Variants in PRKCH observed in about 807,000 individuals in gnomAD.
PRKCH encodes protein kinase C eta.
In PRKCH, 28 loss-of-function variants were observed where a neutral mutation model predicts 82.5. The observed-to-expected ratio is 0.34, with a 90% CI of 0.25 to 0.47. PRKCH has a LOEUF of 0.47. PRKCH is among the 20% of genes least tolerant of loss of function. PRKCH has a pLI of 1.00. For synonymous variants in PRKCH, 322 were observed against 327.4 expected, an observed-to-expected ratio of 0.98 and a Z score of 0.18; for missense variants, 705 against 881.8, an observed-to-expected ratio of 0.80 and a Z score of 2.54.
intron 9 of PRKCH, among the ~76,000 whole-genome samples, chr14:61,473,138 C>T (rs892722552): frequency 6.6e-6 from 1 of 152,042 alleles, no homozygotes; most frequent in African/African-American, 2.4e-5. Flanking sequence ...AGTGCAAAGG[C>T]ACAGAGGCTT....
Position 61,526,125 on chromosome 14 carries a change from A to G in PRKCH, c.1434-2950A>G, listed in dbSNP as rs557073668. On this transcript the variant is annotated intron_variant, in intron 10 of 13. Transcript: ENST00000332981. ...CCCGTCCTGCGCTGCTACGATTGCA[A>G]CCTTTTGTAGGTTAAACTGGCTGTG... is the stretch of plus-strand genomic sequence containing the variant. Among the ~76,000 whole-genome samples the G allele has an allele frequency of 2.0e-5, 3 of 152,276 alleles. No homozygotes were observed. The South Asian group carries it at 6.2e-4, about 32-fold the overall frequency.
At chr14:61,234,123 C>T (rs1349977402) in intron 1 of PRKCH, among the ~76,000 whole-genome samples, 1 of 152,150 alleles carries the variant, frequency 6.6e-6, no homozygotes, top group Non-Finnish European at 1.5e-5. Context: ...CTCTTTTTAC[C>T]ACTAGGCAAT....
chr14:61,258,708 C>A (rs2045020120), intron 1 of PRKCH, among the ~76,000 whole-genome samples: 3 of 152,164 alleles, frequency 2.0e-5, no homozygotes, highest in Admixed American at 2.0e-4. Context: ...GTCTATTGGA[C>A]AAATATTATT....
chr14:61,302,535 T>C (rs1455384388), intron 1 of PRKCH, among the ~76,000 whole-genome samples: 4 of 152,214 alleles, frequency 2.6e-5, no homozygotes, highest in Admixed American at 6.5e-5. Context: ...GGGGGTAGGT[T>C]TGCATAGACC....
At chr14:61,503,542 C>T (rs1484185252) in intron 10 of PRKCH, among the ~76,000 whole-genome samples, 1 of 152,146 alleles carries the variant, frequency 6.6e-6, no homozygotes, top group Non-Finnish European at 1.5e-5. Context: ...TTCTCAACAG[C>T]TTATTCCTTG....
chr14:61,219,126 C>T (rs186887931), intron 1 of PRKCH, among the ~76,000 whole-genome samples: 1 of 152,348 alleles, frequency 6.6e-6, no homozygotes, highest in African/African-American at 2.4e-5. Context: ...GGCTCTGAAG[C>T]TGAGAATGAA....
chr14:61,319,571 TA>T (rs1010135467), upstream of PRKCH, among the ~76,000 whole-genome samples: 10 of 151,980 alleles, frequency 6.6e-5, no homozygotes, highest in South Asian at 2.1e-4. Context: ...TTTTAAAATT[TA>T]AAAAAAAATT....
chr14:61,315,802 C>T (rs1292503351), intron 1 of PRKCH, among the ~76,000 whole-genome samples: 1 of 146,232 alleles, frequency 6.8e-6, no homozygotes, highest in African/African-American at 2.5e-5. Context: ...GGCTGGAGTG[C>T]AATGGCGTGA....
chr14:61,340,834 G>A (rs1030263854), intron 1 of PRKCH, among the ~76,000 whole-genome samples: 27 of 152,240 alleles, frequency 1.8e-4, no homozygotes, highest in African/African-American at 6.5e-4. Flanking sequence ...TGGTCTTGCC[G>A]TTGTTCAGTC....
intron 10 of PRKCH, among the ~76,000 whole-genome samples, chr14:61,519,028 A>G (rs2139989244): frequency 6.6e-6 from 1 of 152,244 alleles, no homozygotes; most frequent in East Asian, 1.9e-4. Context: ...CACACCTGCA[A>G]TCCCAGCTCT....
intron 2 of PRKCH, among the ~76,000 whole-genome samples, chr14:61,419,320 C>T (rs1318192552): frequency 6.6e-6 from 1 of 152,102 alleles, no homozygotes; most frequent in African/African-American, 2.4e-5. Context: ...TCTTTCTTTC[C>T]CAAATGAAAT....
chr14:61,202,014 C>A (rs1486769630), intron 1 of PRKCH, among the ~76,000 whole-genome samples: 3 of 152,132 alleles, frequency 2.0e-5, no homozygotes, highest in Non-Finnish European at 2.9e-5. Flanking sequence ...ATAATAAGAA[C>A]CATGCCCATA....
intron 1 of PRKCH, among the ~76,000 whole-genome samples, chr14:61,388,450 G>C (rs2046623332): frequency 6.6e-6 from 1 of 152,206 alleles, no homozygotes. Context: ...CCATCTTGGG[G>C]TGGAAAGGCC....
At chr14:61,362,653 A>T (rs912712776) in intron 1 of PRKCH, among the ~76,000 whole-genome samples, 2 of 152,240 alleles carry the variant, frequency 1.3e-5, no homozygotes, top group East Asian at 3.8e-4. Context: ...CTATGCAGTG[A>T]TCATAAGGAA....
intron 1 of PRKCH, among the ~76,000 whole-genome samples, chr14:61,243,974 C>T (rs2044860981): frequency 6.6e-6 from 1 of 151,144 alleles, no homozygotes; most frequent in Non-Finnish European, 1.5e-5. Context: ...TACAGCAACA[C>T]TTTAGCTTTC....
At chr14:61,455,228 T>TGG (rs1884708314) in intron 7 of PRKCH, among the ~76,000 whole-genome samples, 1 of 147,432 alleles carries the variant, frequency 6.8e-6, no homozygotes, top group South Asian at 2.2e-4. Context: ...TTAGTAGAGA[T>TGG]GGGGGGTTTC....
chr14:61,493,801 C>T (rs1430543841), intron 10 of PRKCH, among the ~76,000 whole-genome samples: 1 of 151,634 alleles, frequency 6.6e-6, no homozygotes, highest in African/African-American at 2.4e-5. Flanking sequence ...GAGGCAGTTG[C>T]AGAGTTCCAA....
intron 1 of PRKCH, among the ~76,000 whole-genome samples, chr14:61,373,381 A>G (rs1025850918): frequency 6.6e-5 from 10 of 151,884 alleles, no homozygotes; most frequent in Non-Finnish European, 1.3e-4. Context: ...CTTTCAACCA[A>G]CCAGATGTCA....
intron 9 of PRKCH, among the ~76,000 whole-genome samples, chr14:61,465,477 G>A (rs1885214793): frequency 6.6e-6 from 1 of 152,120 alleles, no homozygotes; most frequent in South Asian, 2.1e-4. Context: ...TTATTGAAGG[G>A]ACAGTCCTTT....
Sources: allele counts gnomAD v4.1 joint callset (sites outside exome capture counted in the v4.1 genomes callset), GRCh38; gene constraint gnomAD v4.1.1; transcripts MANE v1.5; gene names NCBI Gene and HGNC (gene_info 2026-07-23, HGNC 2026-07-21).